Variants in NUP210 observed in about 807,000 individuals in gnomAD.
The protein encoded by NUP210 is nuclear pore membrane glycoprotein 210.
NUP210 carries 151 observed loss-of-function variants against 196.0 expected under a neutral mutation model. That is an observed-to-expected ratio of 0.77 (90% CI 0.67 to 0.88). NUP210 has a LOEUF of 0.88. Among genes scored for constraint, NUP210 ranks in the 40% least tolerant of loss-of-function variants. The probability of loss-of-function intolerance (pLI) is 0.00; values close to 1 mark genes in which losing one functional copy is unlikely to be tolerated. For synonymous variants in NUP210, 1,070 were observed against 1,052.7 expected (o/e 1.02, Z -0.32); for missense variants, 2,314 against 2,493.7 (o/e 0.93, Z 1.53).
intron 1 of NUP210, among the ~76,000 whole-genome samples, chr3:13,402,162 T>C (rs894096590): frequency 6.6e-6 from 1 of 152,108 alleles, no homozygotes; most frequent in African/African-American, 2.4e-5. Context: ...ATTGTGTCAA[T>C]GCACTCTGCC....
intron 15 of NUP210, 31 bp downstream of exon 15, chr3:13,360,239 C>A (rs781356671): frequency 3.8e-6 from 6 of 1,578,472 alleles, no homozygotes; most frequent in Middle Eastern, 1.7e-4. Flanking sequence ...TGCCTTAGGG[C>A]AAGGAGGGTC....
chr3:13,326,816 G>A (rs1696772488), intron 32 of NUP210, among the ~76,000 whole-genome samples: 1 of 152,250 alleles, frequency 6.6e-6, no homozygotes, highest in Non-Finnish European at 1.5e-5. Flanking sequence ...GCAGAGACAG[G>A]ATGCCCCACA....
chr3:13,404,498 A>G (rs569982207), intron 1 of NUP210, among the ~76,000 whole-genome samples: 26 of 152,350 alleles, frequency 1.7e-4, no homozygotes, highest in African/African-American at 6.3e-4. Flanking sequence ...TGTTATTCTA[A>G]CTTCTAAATG....
Position 13,323,514 on chromosome 3 carries a change from AGTCTGTGACATAGT to A in NUP210, c.4645-96_4645-83del. On this transcript the variant is annotated intron_variant, in intron 33 of 39. Coordinates refer to ENST00000254508, the MANE Select transcript of NUP210 (RefSeq NM_024923.4). This position sits in a 1 kb window ranked among gnomAD's most constrained non-coding sequence, Gnocchi z 4.3. ...GGGCGTTTCCACAACCTCACCCTGC[AGTCTGTGACATAGT>A]GTCACCCGTTTCACAGGTGGCAACA... 1 of 1,501,372 alleles carries A rather than the reference AGTCTGTGACATAGT, an allele frequency of 6.7e-7. No individual in the cohort carries two copies. The highest frequency in any genetic ancestry group is 1.2e-5 in the South Asian group (1 of 85,312). The allele number at this position is 1,501,372 out of a possible 1,614,324, so 93.0% of individuals were successfully genotyped here. A position where few individuals can be genotyped will look rare whatever the true frequency, so the allele number is the denominator to read the frequency against.
chr3:13,360,905 T>C lies in NUP210; in HGVS notation c.1933-414A>G, dbSNP rs545542242. ...ATTTCCCACAGCAAATAACCAACAA[T>C]AATCTACAATCCAGCACAAGGGGCT... On this transcript the variant is annotated intron_variant, in intron 14 of 39. Transcript: ENST00000254508. Among the ~76,000 whole-genome samples, 8 of 152,266 alleles carry C rather than the reference T, an allele frequency of 5.3e-5. No individual in the cohort carries two copies. In the South Asian group the frequency reaches 1.7e-3, roughly 32 times the overall value.
chr3:13,317,896 GC>G, intron 39 of NUP210, 115 bp from the exon 40 acceptor site: 2 of 699,936 alleles, frequency 2.9e-6, no homozygotes, highest in African/African-American at 1.8e-5. Context: ...TCACAGTGAT[GC>G]CCCGAGGCCT....
intron 1 of NUP210, among the ~76,000 whole-genome samples, chr3:13,412,772 C>A (rs563299055): frequency 1.3e-5 from 2 of 150,498 alleles, no homozygotes; most frequent in East Asian, 3.9e-4. Context: ...GAGAGCAAGA[C>A]CATCCTGGCT....
chr3:13,416,540 C>T (rs1269147597), intron 1 of NUP210, among the ~76,000 whole-genome samples: 1 of 152,234 alleles, frequency 6.6e-6, no homozygotes, highest in Non-Finnish European at 1.5e-5. Context: ...CCCAACAGAG[C>T]ACTTTCTCTG....
Position 13,396,888 on chromosome 3 carries a change from G to A in NUP210, c.436+469C>T, listed in dbSNP as rs147240192. On this transcript the variant is annotated intron_variant, in intron 3 of 39. Coordinates refer to ENST00000254508, the MANE Select transcript of NUP210 (RefSeq NM_024923.4). ...AGATGTGAGGGCAGTGCCCTGGGCC[G>A]GCAGCATAAATGTGACCTGACCCAC... is the stretch of plus-strand genomic sequence containing the variant. 3.6e-3 allele frequency among the ~76,000 whole-genome samples: 544 copies of A among 152,160 alleles called. 4 individuals carry two copies. Among genetic ancestry groups the A allele is most frequent in the African/African-American group, 0.01 (420 of 41,510 alleles).
In NUP210 at chr3:13,420,024, CCCA is replaced by C; in HGVS notation, c.167+33_167+35del. 8.6e-7 allele frequency: 1 copy of C among 1,165,738 alleles called. No individual in the cohort carries two copies. 72.2% of individuals were successfully genotyped at this position (1,165,738 alleles called of 1,614,324 possible). A position where few individuals can be genotyped will look rare whatever the true frequency, so the allele number is the denominator to read the frequency against. ...CTCTCAGCGCGAAGGCCCAGCCCGG[CCCA>C]CGGCGCCCGCCCGGCCCGGCCGCGC... On this transcript the variant is annotated intron_variant, in intron 1 of 39. Transcript: ENST00000254508. This position sits in a 1 kb window ranked among gnomAD's most constrained non-coding sequence, Gnocchi z 4.8.
rs117560638 is a variant in NUP210 at position 13,393,508 on chromosome 3, G to C, written c.437-2201C>G. 2.0e-4 allele frequency among the ~76,000 whole-genome samples: 30 copies of C among 152,372 alleles called. 1 individual carries two copies. The East Asian group carries it at 5.4e-3, about 27-fold the overall frequency. ...GGTGCACACACAGGACCGAGTGCAG[G>C]ATTTGCAGGGCTCCGTGCAGATGAG... is the stretch of plus-strand genomic sequence containing the variant. On this transcript the variant is annotated intron_variant, in intron 3 of 39. Transcript: ENST00000254508.
At chr3:13,378,169 C>T (rs1257372627) in intron 8 of NUP210, among the ~76,000 whole-genome samples, 1 of 152,026 alleles carries the variant, frequency 6.6e-6, no homozygotes, top group Admixed American at 6.5e-5. Flanking sequence ...GGCCTACGCT[C>T]TGAACCCTCG....
At chr3:13,403,179 C>T (rs1168535624) in intron 1 of NUP210, among the ~76,000 whole-genome samples, 2 of 152,218 alleles carry the variant, frequency 1.3e-5, no homozygotes, top group Admixed American at 1.3e-4. Context: ...CTCACAGTCA[C>T]ACGTCTTAGT....
At position 13,348,991 on chromosome 3, in the gene NUP210, C is replaced by T. The variant is rs1175978576; in HGVS notation, c.2835+2888G>A. ...GAAGCTCTTGCCTCACAGGCCCACA[C>T]CCCCACACATCAAAAAACAGCCGGA... On this transcript the variant is annotated intron_variant, in intron 20 of 39. Coordinates refer to ENST00000254508, the MANE Select transcript of NUP210 (RefSeq NM_024923.4). This position sits in a 1 kb window ranked among gnomAD's most constrained non-coding sequence, Gnocchi z 4.0. 2 of 776,754 alleles carry T rather than the reference C, an allele frequency of 2.6e-6. No homozygotes were observed. The highest frequency in any genetic ancestry group is 3.8e-5 in the African/African-American group (2 of 53,186). The allele number at this position is 776,754 out of a possible 1,614,324, so 48.1% of individuals were successfully genotyped here.
At chr3:13,400,266 C>T (rs945803946) in intron 1 of NUP210, among the ~76,000 whole-genome samples, 4 of 152,162 alleles carry the variant, frequency 2.6e-5, no homozygotes, top group Non-Finnish European at 5.9e-5. Context: ...GCATCTCGAC[C>T]GACCTCTAGC....
intron 1 of NUP210, among the ~76,000 whole-genome samples, chr3:13,410,309 G>A (rs73134608): frequency 6.6e-6 from 1 of 151,646 alleles, no homozygotes; most frequent in African/African-American, 2.4e-5. Context: ...GCCTCCCGAG[G>A]AGCTAGGAAA....
intron 21 of NUP210, among the ~76,000 whole-genome samples, chr3:13,342,800 T>C (rs1697566076): frequency 6.6e-6 from 1 of 152,234 alleles, no homozygotes; most frequent in South Asian, 2.1e-4. Flanking sequence ...CATTTGCCAC[T>C]GACACCCCAG....
chr3:13,365,427 G>T (rs749198405), intron 14 of NUP210, among the ~76,000 whole-genome samples: 1 of 152,174 alleles, frequency 6.6e-6, no homozygotes, highest in Non-Finnish European at 1.5e-5. Context: ...GGTCTGCTCC[G>T]CACAGGCCGT....
intron 21 of NUP210, 44 bp downstream of exon 21, chr3:13,343,131 C>T: frequency 6.2e-7 from 1 of 1,610,084 alleles, no homozygotes; most frequent in South Asian, 1.1e-5. Flanking sequence ...CTCCCAGTTC[C>T]TGCAGGTCAG....
Sources: gnomAD v4.1 joint callset for allele counts (sites outside exome capture counted in the v4.1 genomes callset) on GRCh38, gnomAD v4.1.1 for gene constraint, Gnocchi (gnomAD v3.1) non-coding constraint, MANE v1.5 for transcripts, NCBI Gene and HGNC (gene_info 2026-07-23, HGNC 2026-07-21) for gene names.